TMEM98: variants seen among roughly 807,000 people sequenced by gnomAD.
TMEM98 encodes transmembrane protein 98.
Under a neutral mutation model 25.0 loss-of-function variants are expected in TMEM98, and 18 were observed. The observed-to-expected ratio is 0.72, with a 90% confidence interval of 0.50 to 1.07. The LOEUF is 1.07. Among genes scored for constraint, TMEM98 ranks in the 50% least tolerant of loss-of-function variants. The probability of loss-of-function intolerance (pLI) is 0.00; values close to 1 mark genes in which losing one functional copy is unlikely to be tolerated. For synonymous variants in TMEM98, 103 were observed against 112.4 expected, an observed-to-expected ratio of 0.92 and a Z score of 0.53; for missense variants, 241 against 289.0, an observed-to-expected ratio of 0.83 and a Z score of 1.20.
Position 32,941,272 on chromosome 17 carries a change from C to T in TMEM98, c.*279C>T, listed in dbSNP as rs1407702596. 1.8e-5 allele frequency: 5 copies of T among 270,918 alleles called. No homozygotes were observed. Among genetic ancestry groups the T allele is most frequent in the Non-Finnish European group, 2.8e-5 (4 of 143,632 alleles). The allele number at this position is 270,918 out of a possible 1,614,324, so 16.8% of individuals were successfully genotyped here. A position where few individuals can be genotyped will look rare whatever the true frequency, so the allele number is the denominator to read the frequency against. ...CTGGTGGACTGTCAGCTTTATTTAG[C>T]TCACCTAGTGTTTTCAAGAAAATTG... is the stretch of plus-strand genomic sequence containing the variant. On this transcript the variant is annotated 3_prime_UTR_variant, in exon 8 of 8. Coordinates refer to ENST00000579849, the MANE Select transcript of TMEM98 (RefSeq NM_015544.3).
rs1309316988 is a variant in TMEM98 at position 32,943,301 on chromosome 17, T to C, written c.*2308T>C. 1 of 152,256 alleles carries C rather than the reference T, an allele frequency of 6.6e-6. No homozygotes were observed. Among genetic ancestry groups the C allele is most frequent in the Non-Finnish European group, 1.5e-5 (1 of 68,110 alleles). The allele number at this position is 152,256 out of a possible 1,614,324, so 9.4% of individuals were successfully genotyped here. On this transcript the variant is annotated 3_prime_UTR_variant, in exon 8 of 8. Coordinates refer to ENST00000579849, the MANE Select transcript of TMEM98 (RefSeq NM_015544.3). ...TGATGGTTGAAGTGGAAGCAGTCTT[T>C]GGGGTAGGAGGCAATGCCACTCCTC... is the stretch of plus-strand genomic sequence containing the variant.
At chr17:32,940,420 C>T (rs1476403611) in intron 7 of TMEM98, among the ~76,000 whole-genome samples, 1 of 152,076 alleles carries the variant, frequency 6.6e-6, no homozygotes, top group Non-Finnish European at 1.5e-5. Flanking sequence ...GGAATATGCT[C>T]ATCTGATTGA....
chr17:32,940,528 C>G (rs2091523474), intron 7 of TMEM98, among the ~76,000 whole-genome samples: 1 of 152,182 alleles, frequency 6.6e-6, no homozygotes, highest in South Asian at 2.1e-4. Flanking sequence ...TTGTGAGAGA[C>G]AGCCTGTTAT....
At position 32,932,850 on chromosome 17, in the gene TMEM98, A is replaced by G. The variant is rs562052058; in HGVS notation, c.132-324A>G. On this transcript the variant is annotated intron_variant, in intron 3 of 7. Transcript: ENST00000579849. ...AAGGGAAAATACATTATAGAAGGAT[A>G]TAATTTTGTCCTGAAGGGATATCCC... Among the ~76,000 whole-genome samples, 170 of 152,336 alleles carry G rather than the reference A, an allele frequency of 1.1e-3. 1 individual carries two copies. Among genetic ancestry groups the G allele is most frequent in the African/African-American group, 4.0e-3 (167 of 41,584 alleles).
intron 6 of TMEM98, among the ~76,000 whole-genome samples, chr17:32,937,409 C>T (rs915956064): frequency 2.6e-5 from 4 of 152,110 alleles, no homozygotes. Context: ...TCAGTCCAGG[C>T]AGTTCAGTGA....
chr17:32,939,622 T>C, intron 7 of TMEM98, 86 bp downstream of exon 7: 2 of 1,553,248 alleles, frequency 1.3e-6, no homozygotes, highest in Non-Finnish European at 1.8e-6. Flanking sequence ...GCTGACTGGC[T>C]TGTGTAGGGA....
chr17:32,930,036 C>G (rs546739465), intron 1 of TMEM98, among the ~76,000 whole-genome samples: 1 of 151,920 alleles, frequency 6.6e-6, no homozygotes, highest in South Asian at 2.1e-4. Context: ...GAATGGTGAC[C>G]GAGAGCGTTT....
Position 32,940,749 on chromosome 17 carries a change from C to T in TMEM98, c.474-37C>T, listed in dbSNP as rs1242125602. The T allele has an allele frequency of 1.9e-6, 3 of 1,591,916 alleles. No homozygotes were observed. In the Admixed American group the frequency reaches 5.3e-5, roughly 28 times the overall value. On this transcript the variant is annotated intron_variant, in intron 7 of 7. Transcript: ENST00000579849. ...GGCTTTTGTGCAAAGTCCCTCATTT[C>T]CTAGGAAACCTGACCCTATTTTCTT...
intron 3 of TMEM98, among the ~76,000 whole-genome samples, chr17:32,932,094 A>ATTTTTTTTT (rs774760952): frequency 8.4e-6 from 1 of 118,990 alleles, no homozygotes; most frequent in African/African-American, 3.5e-5. Flanking sequence ...TGCACAGCAG[A>ATTTTTTTTT]TTTTTTTTTT....
chr17:32,938,694 A>G (rs1046262451), intron 6 of TMEM98, among the ~76,000 whole-genome samples: 11 of 152,298 alleles, frequency 7.2e-5, no homozygotes, highest in African/African-American at 2.2e-4. Flanking sequence ...AGAGTAATTA[A>G]TGCTTATAAA....
At chr17:32,936,248 G>T in intron 5 of TMEM98, 84 bp from the exon 6 acceptor site, 4 of 1,090,910 alleles carry the variant, frequency 3.7e-6, no homozygotes, top group Non-Finnish European at 5.5e-6. Context: ...GGAACTCACG[G>T]CAGGGCTGAT....
At position 32,936,383 on chromosome 17, in the gene TMEM98, G is replaced by T; in HGVS notation, c.349G>T (p.Ala117Ser). 1 of 1,614,204 alleles carries T rather than the reference G, an allele frequency of 6.2e-7. No homozygotes were observed. The highest frequency in any genetic ancestry group is 8.5e-7 in the Non-Finnish European group (1 of 1,180,036). ...TGTTGCCATGACAATGGGCTCTGGG[G>T]CCAAGATGAAGACTTCAGCCAGTGT... ...KLVAMTMGSG[A>S]KMKTSASVSD... The change falls in exon 6 of 8, where the codon GCC becomes TCC. Residue 117 changes from alanine to serine, a missense_variant. Ala to Ser is a moderately conservative substitution (Grantham distance 99). Coordinates refer to ENST00000579849, the MANE Select transcript of TMEM98 (RefSeq NM_015544.3).
intron 6 of TMEM98, among the ~76,000 whole-genome samples, chr17:32,936,801 C>T (rs1302220220): frequency 1.3e-5 from 2 of 152,216 alleles, no homozygotes; most frequent in African/African-American, 2.4e-5. Context: ...CCCAGGCCAA[C>T]ATGTCACACA....
chr17:32,935,602 C>G (rs2091491888), intron 5 of TMEM98, among the ~76,000 whole-genome samples: 1 of 152,118 alleles, frequency 6.6e-6, no homozygotes, highest in East Asian at 1.9e-4. Context: ...GGCTAACTCC[C>G]AGGTGGACCT....
At position 32,942,163 on chromosome 17, in the gene TMEM98, C is replaced by T. The variant is rs1373098172; in HGVS notation, c.*1170C>T. The T allele has an allele frequency of 6.6e-6, 1 of 152,188 alleles. No homozygotes were observed. Among genetic ancestry groups the T allele is most frequent in the Non-Finnish European group, 1.5e-5 (1 of 68,030 alleles). The allele number at this position is 152,188 out of a possible 1,614,324, so 9.4% of individuals were successfully genotyped here. A position where few individuals can be genotyped will look rare whatever the true frequency, so the allele number is the denominator to read the frequency against. ...CAATGACTTGAACGATGTGTTCCCC[C>T]TTTCTTCTGATATTAATATCTGTTC... On this transcript the variant is annotated 3_prime_UTR_variant, in exon 8 of 8. Coordinates refer to ENST00000579849, the MANE Select transcript of TMEM98 (RefSeq NM_015544.3).
In TMEM98 at chr17:32,937,735, T is replaced by C. The variant is rs568662377; in HGVS notation, c.413+1288T>C. 2.0e-5 allele frequency among the ~76,000 whole-genome samples: 3 copies of C among 152,212 alleles called. No homozygotes were observed. The South Asian group carries it at 6.2e-4, about 32-fold the overall frequency. On this transcript the variant is annotated intron_variant, in intron 6 of 7. Coordinates refer to ENST00000579849, the MANE Select transcript of TMEM98 (RefSeq NM_015544.3). The stretch of plus-strand genomic sequence containing the variant: ...CCCCCTGAGTAGCTGTGATTACAGG[T>C]GCCTGCTACCATGTCTGGCTAATTT...
intron 7 of TMEM98, among the ~76,000 whole-genome samples, chr17:32,939,855 CCAGAAG>C (rs2091519276): frequency 6.6e-6 from 1 of 152,124 alleles, no homozygotes; most frequent in African/African-American, 2.4e-5. Flanking sequence ...TTTTTGTACC[CCAGAAG>C]CAGACATGCC....
intron 6 of TMEM98, among the ~76,000 whole-genome samples, chr17:32,937,653 C>T (rs1021244569): frequency 3.3e-5 from 5 of 152,156 alleles, no homozygotes; most frequent in Admixed American, 6.5e-5. Context: ...TGCGGTGGTG[C>T]GATCTTGGCT....
Position 32,941,022 on chromosome 17 carries a change from G to A in TMEM98, c.*29G>A, listed in dbSNP as rs760514259. The A allele has an allele frequency of 6.4e-7, 1 of 1,558,586 alleles. No homozygotes were observed. The highest frequency in any genetic ancestry group is 2.3e-5 in the East Asian group (1 of 42,780). On this transcript the variant is annotated 3_prime_UTR_variant, in exon 8 of 8. Transcript: ENST00000579849. ...CTACAGGCCAGCAGCTAGCCATGAA[G>A]GCCCCTGCCGCCATCCCTGGATGGC...
Sources: allele counts gnomAD v4.1 joint callset (sites outside exome capture counted in the v4.1 genomes callset), GRCh38; gene constraint gnomAD v4.1.1; transcripts MANE v1.5; gene names NCBI Gene and HGNC (gene_info 2026-07-23, HGNC 2026-07-21).